SKAP1: variants seen among roughly 807,000 people sequenced by gnomAD.
The protein encoded by SKAP1 is src kinase associated phosphoprotein 1.
Under a neutral mutation model 58.5 loss-of-function variants are expected in SKAP1, and 44 were observed. That is an observed-to-expected ratio of 0.75 (90% CI 0.59 to 0.97). The LOEUF (loss-of-function observed/expected upper bound fraction) is 0.97, where lower values mean the gene tolerates loss of function less well. Ranked by LOEUF, SKAP1 falls within the 50% of genes least tolerant of loss-of-function variation. The probability of loss-of-function intolerance (pLI) is 0.00; values close to 1 mark genes in which losing one functional copy is unlikely to be tolerated. For synonymous variants in SKAP1, 127 were observed against 149.7 expected, an observed-to-expected ratio of 0.85 and a Z score of 1.11; for missense variants, 390 against 435.2, an observed-to-expected ratio of 0.90 and a Z score of 0.92.
intron 4 of SKAP1, among the ~76,000 whole-genome samples, chr17:48,209,815 T>C (rs930316984): frequency 6.6e-6 from 1 of 152,172 alleles, no homozygotes; most frequent in Admixed American, 6.5e-5. Flanking sequence ...TTGTTGTTGT[T>C]TTATAAGTAG....
chr17:48,203,792 A>C (rs1345688823), intron 4 of SKAP1: 1 of 152,238 alleles, frequency 6.6e-6, no homozygotes, highest in African/African-American at 2.4e-5. Context: ...GTCTTTTTGA[A>C]AAGCCACTTC....
rs192416498 is a variant in SKAP1, at chr17:48,162,431, T to C, written c.978+38A>G. ...GGTGACTAAATCAAGAATGAAAAAA[T>C]TGACTTTCTATTTAAGCCCCACACT... is the stretch of plus-strand genomic sequence containing the variant. On this transcript the variant is annotated intron_variant, in intron 11 of 12. Coordinates refer to ENST00000336915, the MANE Select transcript of SKAP1 (RefSeq NM_003726.4). The C allele has an allele frequency of 7.1e-4, 1,027 of 1,445,390 alleles. 2 individuals carry two copies. The highest frequency in any genetic ancestry group is 1.2e-3 in the Middle Eastern group (7 of 5,734). 89.5% of individuals were successfully genotyped at this position (1,445,390 alleles called of 1,614,324 possible).
the SKAP1 span, among the ~76,000 whole-genome samples, chr17:48,441,626 G>A: frequency 1.3e-5 from 2 of 152,118 alleles, no homozygotes; most frequent in African/African-American, 4.8e-5. Context: ...TCTCCACCCA[G>A]GCCATACTCT....
intron 4 of SKAP1, among the ~76,000 whole-genome samples, chr17:48,328,444 G>A (rs2066465247): frequency 6.6e-6 from 1 of 152,048 alleles, no homozygotes; most frequent in Admixed American, 6.6e-5. Flanking sequence ...CCCGTACTGA[G>A]GAAACTTACA....
chr17:48,236,196 C>T (rs1213950802), intron 4 of SKAP1, among the ~76,000 whole-genome samples: 2 of 152,176 alleles, frequency 1.3e-5, no homozygotes, highest in Non-Finnish European at 2.9e-5. Flanking sequence ...AATAAACATA[C>T]ACTGAGCACC....
chr17:48,444,281 T>G, the SKAP1 span, among the ~76,000 whole-genome samples: 1 of 151,938 alleles, frequency 6.6e-6, no homozygotes, highest in Non-Finnish European at 1.5e-5. Context: ...GTAATCCCAG[T>G]AACAGGGGCT....
chr17:48,144,760 T>A (rs2063808229), intron 11 of SKAP1, among the ~76,000 whole-genome samples: 1 of 152,218 alleles, frequency 6.6e-6, no homozygotes, highest in African/African-American at 2.4e-5. Context: ...CAAAGAGAAC[T>A]GAATTTCTGG....
At chr17:48,348,094 C>T (rs1187093797) in intron 3 of SKAP1, among the ~76,000 whole-genome samples, 3 of 152,140 alleles carry the variant, frequency 2.0e-5, no homozygotes, top group Middle Eastern at 3.4e-3. Context: ...AATCCCAGCA[C>T]TTTGGGAGGC....
chr17:48,198,739 T>C (rs2064682393), intron 4 of SKAP1, among the ~76,000 whole-genome samples: 1 of 152,156 alleles, frequency 6.6e-6, no homozygotes, highest in African/African-American at 2.4e-5. Context: ...GTCTTTTGAT[T>C]TTATCAATAA....
At chr17:48,280,424 C>G (rs1039557123) in intron 4 of SKAP1, among the ~76,000 whole-genome samples, 3 of 150,400 alleles carry the variant, frequency 2.0e-5, no homozygotes, top group African/African-American at 7.3e-5. Context: ...GAGCCGAGAT[C>G]TGCACTCCAG....
chr17:48,252,270 A>T, intron 4 of SKAP1, among the ~76,000 whole-genome samples: 1 of 152,198 alleles, frequency 6.6e-6, no homozygotes, highest in Admixed American at 6.5e-5. Flanking sequence ...AATAAAGAGA[A>T]GAGCACACAC....
At chr17:48,137,069 C>T in intron 12 of SKAP1, 160 bp downstream of exon 12, 1 of 538,054 alleles carries the variant, frequency 1.9e-6, no homozygotes, top group South Asian at 2.7e-5. Context: ...AAAAACAATT[C>T]CAGAGGCATT....
At chr17:48,341,846 A>G (rs934908100) in intron 4 of SKAP1, among the ~76,000 whole-genome samples, 9 of 152,320 alleles carry the variant, frequency 5.9e-5, no homozygotes, top group East Asian at 1.9e-4. Context: ...ATATCCATTC[A>G]CCCATTCTTT....
intron 3 of SKAP1, among the ~76,000 whole-genome samples, chr17:48,358,653 G>C (rs532023170): frequency 6.6e-6 from 1 of 152,234 alleles, no homozygotes; most frequent in African/African-American, 2.4e-5. Context: ...TGAATTTTAT[G>C]AAAAGATACA....
chr17:48,360,538 A>G (rs2066922157), intron 3 of SKAP1, among the ~76,000 whole-genome samples: 1 of 152,186 alleles, frequency 6.6e-6, no homozygotes. Flanking sequence ...TTTAAGTAAA[A>G]AATTAAGTAG....
intron 11 of SKAP1, among the ~76,000 whole-genome samples, chr17:48,149,020 G>A (rs949399695): frequency 1.3e-5 from 2 of 152,126 alleles, no homozygotes; most frequent in Non-Finnish European, 2.9e-5. Flanking sequence ...AGCACACATA[G>A]GGTATGCTAG....
chr17:48,357,629 C>CAAAAAAAAAAAAAAAA (rs201907150), intron 3 of SKAP1, among the ~76,000 whole-genome samples: 1 of 148,436 alleles, frequency 6.7e-6, no homozygotes, highest in African/African-American at 2.5e-5. Flanking sequence ...GACTCTGTCT[C>CAAAAAAAAAAAAAAAA]AGAAAAAAAG....
chr17:48,379,682 C>CTTTTTT (rs397856911), intron 2 of SKAP1, among the ~76,000 whole-genome samples: 1 of 124,054 alleles, frequency 8.1e-6, no homozygotes, highest in Non-Finnish European at 1.7e-5. Flanking sequence ...GTATCTTCTT[C>CTTTTTT]TTTTTTTTTT....
intron 1 of SKAP1, among the ~76,000 whole-genome samples, chr17:48,419,758 G>A (rs191203429): frequency 6.6e-6 from 1 of 151,768 alleles, no homozygotes; most frequent in East Asian, 1.9e-4. Context: ...ACAAATATGT[G>A]CCATTGGATA....
Sources: allele counts gnomAD v4.1 joint callset (sites outside exome capture counted in the v4.1 genomes callset), GRCh38; gene constraint gnomAD v4.1.1; transcripts MANE v1.5; gene names NCBI Gene and HGNC (gene_info 2026-07-23, HGNC 2026-07-21).